PCDH15: variants seen among roughly 807,000 people sequenced by gnomAD.
PCDH15 encodes protocadherin related 15.
A neutral mutation model predicts 178.5 loss-of-function variants in PCDH15; 129 were observed. The observed-to-expected ratio is 0.72, with a 90% CI of 0.63 to 0.84. The LOEUF is 0.84. Ranked by LOEUF, PCDH15 falls within the 40% of genes least tolerant of loss-of-function variation. The pLI, the probability that PCDH15 is intolerant of heterozygous loss-of-function variation, is 0.00. For missense variants in PCDH15, 2,230 were observed against 2,099.9 expected (o/e 1.06, Z -1.21); for synonymous variants, 800 against 732.0 (o/e 1.09, Z -1.50).
chr10:55,368,775 T>C (rs1845425165), intron 2 of PCDH15, among the ~76,000 whole-genome samples: 1 of 152,040 alleles, frequency 6.6e-6, no homozygotes, highest in Admixed American at 6.6e-5. Context: ...TGACACTCTT[T>C]TGACACTTGA....
intron 21 of PCDH15, among the ~76,000 whole-genome samples, chr10:53,979,611 G>T (rs1279401732): frequency 2.6e-5 from 4 of 152,202 alleles, no homozygotes; most frequent in African/African-American, 9.7e-5. Context: ...TGGTGGACAA[G>T]GATGAGAAAC....
intron 2 of PCDH15, among the ~76,000 whole-genome samples, chr10:54,563,926 CA>C (rs766499230): frequency 2.0e-5 from 3 of 152,136 alleles, no homozygotes; most frequent in African/African-American, 4.8e-5. Context: ...GGTTGCCTCA[CA>C]GGGGGAGAAA....
chr10:54,647,119 A>C lies in PCDH15; in HGVS notation c.91+17053T>G, dbSNP rs143851599. On this transcript the variant is annotated intron_variant, in intron 2 of 37. Transcript: ENST00000644397. The stretch of plus-strand genomic sequence containing the variant: ...CATTGACAGATGAATACATAAAGAG[A>C]ATGCAGTATATACATACAGTGGAAT... 7.2e-3 allele frequency among the ~76,000 whole-genome samples: 1,096 copies of C among 152,204 alleles called. 14 individuals carry two copies. Among genetic ancestry groups the C allele is most frequent in the African/African-American group, 0.025 (1,044 of 41,560 alleles).
At chr10:54,528,479 T>C in intron 2 of PCDH15, 32 of 1,085,782 alleles carry the variant, frequency 2.9e-5, no homozygotes, top group Non-Finnish European at 3.9e-5. Flanking sequence ...AGAATATATG[T>C]ATATATTTAG....
At chr10:55,112,511 G>T (rs1418939847) in intron 2 of PCDH15, among the ~76,000 whole-genome samples, 3 of 152,112 alleles carry the variant, frequency 2.0e-5, no homozygotes, top group South Asian at 2.1e-4. Context: ...CAAGGTAAAG[G>T]TGTAGGTGAG....
chr10:54,527,786 A>G (rs1452771176), intron 3 of PCDH15, 26 bp downstream of exon 3: 1 of 1,562,898 alleles, frequency 6.4e-7, no homozygotes, highest in Admixed American at 1.7e-5. Context: ...TAGATAAGAC[A>G]TTTGTAAAAT....
chr10:55,110,742 G>T (rs1000231005), intron 2 of PCDH15, among the ~76,000 whole-genome samples: 2 of 151,748 alleles, frequency 1.3e-5, no homozygotes, highest in Non-Finnish European at 2.9e-5. Flanking sequence ...ACAAGGATCT[G>T]ATGGCATTCA....
chr10:54,481,853 G>C (rs2078740599), intron 3 of PCDH15, among the ~76,000 whole-genome samples: 1 of 151,414 alleles, frequency 6.6e-6, no homozygotes, highest in African/African-American at 2.4e-5. Context: ...AGTGAGTAAT[G>C]GTACTTCCAC....
At chr10:55,452,970 G>A (rs1839468847) in intron 2 of PCDH15, among the ~76,000 whole-genome samples, 1 of 152,098 alleles carries the variant, frequency 6.6e-6, no homozygotes, top group Middle Eastern at 3.2e-3. Flanking sequence ...TAGAGAATAA[G>A]CAAGGGCTTT....
At chr10:54,995,385 C>T (rs1839613814) in intron 2 of PCDH15, among the ~76,000 whole-genome samples, 1 of 72,410 alleles carries the variant, frequency 1.4e-5, no homozygotes, top group East Asian at 3.7e-4. Context: ...GAGCGAGACT[C>T]CGTCTCAAAA....
chr10:55,264,364 A>G (rs1309277865), intron 1 of PCDH15, among the ~76,000 whole-genome samples: 1 of 152,088 alleles, frequency 6.6e-6, no homozygotes, highest in African/African-American at 2.4e-5. Flanking sequence ...TTCATGGCAT[A>G]AACAGGCCCA....
chr10:54,070,023 T>C (rs965119890), intron 17 of PCDH15, among the ~76,000 whole-genome samples: 3 of 152,322 alleles, frequency 2.0e-5, no homozygotes, highest in African/African-American at 7.2e-5. Context: ...TCCTCAAAAG[T>C]TGTATTAACT....
chr10:54,713,445 T>A (rs2095446079), intron 1 of PCDH15, among the ~76,000 whole-genome samples: 2 of 152,072 alleles, frequency 1.3e-5, no homozygotes, highest in African/African-American at 4.8e-5. Flanking sequence ...AGTAGCACCG[T>A]AGTGTTGTTC....
intron 2 of PCDH15, among the ~76,000 whole-genome samples, chr10:55,021,355 C>A (rs1456429146): frequency 6.6e-6 from 1 of 152,136 alleles, no homozygotes; most frequent in Non-Finnish European, 1.5e-5. Flanking sequence ...CTCACATTAA[C>A]TACTGTTATT....
chr10:54,278,371 T>C (rs1171440903), intron 8 of PCDH15, among the ~76,000 whole-genome samples: 1 of 151,586 alleles, frequency 6.6e-6, no homozygotes, highest in Admixed American at 6.6e-5. Context: ...ATTGTATTTT[T>C]TGGAATTCCT....
At chr10:54,755,628 CT>C (rs1196354777) in intron 1 of PCDH15, among the ~76,000 whole-genome samples, 1 of 151,970 alleles carries the variant, frequency 6.6e-6, no homozygotes, top group Admixed American at 6.6e-5. Flanking sequence ...TACTAGAGAT[CT>C]TTATGACACA....
intron 2 of PCDH15, among the ~76,000 whole-genome samples, chr10:55,350,299 A>G (rs957099613): frequency 6.2e-5 from 9 of 145,734 alleles, no homozygotes; most frequent in African/African-American, 2.3e-4. Context: ...ACATACACAC[A>G]CAAACATACA....
chr10:54,083,288 A>T (rs893299130), intron 16 of PCDH15, among the ~76,000 whole-genome samples: 5 of 152,230 alleles, frequency 3.3e-5, no homozygotes, highest in Non-Finnish European at 7.3e-5. Context: ...GTATATACTT[A>T]AAAAAGCCAA....
Position 53,964,340 on chromosome 10 carries a change from G to A in PCDH15, c.2869-2448C>T, listed in dbSNP as rs527721720. 2.7e-3 allele frequency among the ~76,000 whole-genome samples: 375 copies of A among 139,424 alleles called. 2 individuals carry two copies. The highest frequency in any genetic ancestry group is 7.6e-3 in the Middle Eastern group (2 of 262). The allele number at this position is 139,424 out of a possible 152,430, so 91.5% of individuals were successfully genotyped here. On this transcript the variant is annotated intron_variant, in intron 21 of 37. Transcript: ENST00000644397. Reference sequence around the variant, plus strand: ...ACCTGACCCATAATATGTACTCAAGGAGTATTTGAATAAATAATTTTTTAT... The same window carrying A: ...ACCTGACCCATAATATGTACTCAAGAAGTATTTGAATAAATAATTTTTTAT...
Sources: allele counts gnomAD v4.1 joint callset (sites outside exome capture counted in the v4.1 genomes callset), GRCh38; gene constraint gnomAD v4.1.1; transcripts MANE v1.5; gene names NCBI Gene and HGNC (gene_info 2026-07-23, HGNC 2026-07-21).